Variants in NCOA2 observed in about 807,000 individuals in gnomAD.
NCOA2 encodes nuclear receptor coactivator 2.
Under a neutral mutation model 145.1 loss-of-function variants are expected in NCOA2, and 21 were observed. That is an observed-to-expected ratio of 0.14 (90% CI 0.10 to 0.21). NCOA2 has a LOEUF of 0.21. NCOA2 is among the 10% of genes least tolerant of loss of function. The pLI, the probability that NCOA2 is intolerant of heterozygous loss-of-function variation, is 1.00. For missense variants in NCOA2, 1,472 were observed against 1,837.6 expected (o/e 0.80, Z 3.64); for synonymous variants, 619 against 637.5 (o/e 0.97, Z 0.44).
chr8:70,347,985 C>A (rs1158241791), intron 1 of NCOA2, among the ~76,000 whole-genome samples: 1 of 152,118 alleles, frequency 6.6e-6, no homozygotes, highest in Non-Finnish European at 1.5e-5. Context: ...TAATTATTTT[C>A]AATCAATATT....
chr8:70,184,513 A>G (rs1815834707), intron 4 of NCOA2, among the ~76,000 whole-genome samples: 1 of 152,182 alleles, frequency 6.6e-6, no homozygotes, highest in African/African-American at 2.4e-5. Context: ...TAAGGTTAAC[A>G]GCTGATAGAG....
At chr8:70,392,332 C>A (rs748296201) in intron 1 of NCOA2, among the ~76,000 whole-genome samples, 2 of 152,170 alleles carry the variant, frequency 1.3e-5, no homozygotes, top group Non-Finnish European at 2.9e-5. Context: ...AGTGTTTCTA[C>A]GATTTAACGT....
intron 2 of NCOA2, among the ~76,000 whole-genome samples, chr8:70,224,954 C>G (rs1304435744): frequency 1.3e-5 from 2 of 151,700 alleles, no homozygotes; most frequent in African/African-American, 2.4e-5. Context: ...TTCCCCTACC[C>G]CTCTCCTCTC....
At chr8:70,184,468 C>T (rs553763000) in intron 4 of NCOA2, among the ~76,000 whole-genome samples, 2 of 152,234 alleles carry the variant, frequency 1.3e-5, no homozygotes, top group African/African-American at 4.8e-5. Flanking sequence ...GTCCCTCCCA[C>T]GCAGAGTGCT....
chr8:70,142,729 G>T (rs1585814003), intron 13 of NCOA2, among the ~76,000 whole-genome samples: 1 of 151,756 alleles, frequency 6.6e-6, no homozygotes, highest in South Asian at 2.1e-4. Context: ...AGTTAGAAGG[G>T]TATTCTATTA....
chr8:70,261,666 A>G (rs1824147401), intron 2 of NCOA2, among the ~76,000 whole-genome samples: 1 of 152,190 alleles, frequency 6.6e-6, no homozygotes, highest in Non-Finnish European at 1.5e-5. Context: ...AAACATTTAC[A>G]AAACGCTTAC....
At chr8:70,211,078 G>A (rs1053835986) in intron 4 of NCOA2, among the ~76,000 whole-genome samples, 2 of 152,166 alleles carry the variant, frequency 1.3e-5, no homozygotes, top group African/African-American at 4.8e-5. Context: ...GTCAGATGCT[G>A]AGAAAAATCA....
chr8:70,325,698 T>C (rs1806494957), intron 1 of NCOA2, among the ~76,000 whole-genome samples: 1 of 152,222 alleles, frequency 6.6e-6, no homozygotes, highest in Admixed American at 6.5e-5. Context: ...CTATCGTGCC[T>C]GGCTGAAAAT....
chr8:70,226,404 A>G (rs1820639979), intron 2 of NCOA2, among the ~76,000 whole-genome samples: 1 of 152,036 alleles, frequency 6.6e-6, no homozygotes, highest in Non-Finnish European at 1.5e-5. Flanking sequence ...TGGAATATAA[A>G]CTGTAAGTGT....
the NCOA2 span, among the ~76,000 whole-genome samples, chr8:70,431,265 C>G: frequency 6.6e-6 from 1 of 151,840 alleles, no homozygotes; most frequent in Non-Finnish European, 1.5e-5. Context: ...ATACATTATT[C>G]TATTGAACTT....
At chr8:70,284,107 TA>T (rs1826075392) in intron 2 of NCOA2, among the ~76,000 whole-genome samples, 1 of 152,124 alleles carries the variant, frequency 6.6e-6, no homozygotes, top group South Asian at 2.1e-4. Context: ...CAAGGTGCAC[TA>T]GAAATGGGAT....
chr8:70,133,200 C>CTTTTT lies in NCOA2; in HGVS notation c.3159-1203_3159-1199dup, dbSNP rs57813061. Among the ~76,000 whole-genome samples the CTTTTT allele has an allele frequency of 2.9e-4, 31 of 106,966 alleles. 2 individuals are homozygous for CTTTTT. The highest frequency in any genetic ancestry group is 2.3e-3 in the East Asian group (7 of 3,088). 70.2% of individuals were successfully genotyped at this position (106,966 alleles called of 152,430 possible). A position where few individuals can be genotyped will look rare whatever the true frequency, so the allele number is the denominator to read the frequency against. ...TGTGTGCCACCACAACTGGCTGCTACTTTTTTTTTTTTTTTTTTTTGGTAA... is the reference window on the plus strand; with the variant it reads ...TGTGTGCCACCACAACTGGCTGCTACTTTTTTTTTTTTTTTTTTTTTTTTTGGTAA... On this transcript the variant is annotated intron_variant, in intron 15 of 22. Coordinates refer to ENST00000452400, the MANE Select transcript of NCOA2 (RefSeq NM_006540.4).
intron 1 of NCOA2, among the ~76,000 whole-genome samples, chr8:70,376,394 C>T (rs146998011): frequency 3.8e-4 from 58 of 151,864 alleles, no homozygotes; most frequent in African/African-American, 1.3e-3. Flanking sequence ...CACACACAAA[C>T]GTGTGTATGC....
the NCOA2 span, among the ~76,000 whole-genome samples, chr8:70,414,117 A>G: frequency 6.6e-6 from 1 of 152,228 alleles, no homozygotes. Flanking sequence ...AAAACAACAA[A>G]AGCTAACATT....
intron 2 of NCOA2, among the ~76,000 whole-genome samples, chr8:70,285,123 C>G (rs533630600): frequency 6.6e-6 from 1 of 152,232 alleles, no homozygotes; most frequent in East Asian, 1.9e-4. Flanking sequence ...TTCATGATAG[C>G]TTTTGAGAGC....
At chr8:70,166,044 G>A (rs1000825627) in intron 7 of NCOA2, among the ~76,000 whole-genome samples, 4 of 152,016 alleles carry the variant, frequency 2.6e-5, no homozygotes. Flanking sequence ...GGATGGTCTC[G>A]ATCTCCTGAT....
Position 70,213,949 on chromosome 8 carries a change from T to A in NCOA2, c.213A>T (p.Ala71=). 10 of 1,610,768 alleles carry A rather than the reference T, an allele frequency of 6.2e-6. No homozygotes were observed. Among genetic ancestry groups the A allele is most frequent in the Non-Finnish European group, 8.5e-6 (10 of 1,178,358 alleles). ...DNFNFKPDKC[A]ILKETVKQIR... Reference sequence around the variant, plus strand: ...TTTGCTTCACAGTTTCTTTTAAGATTGCACATTTGTCAGGTTTGAAGTTAA... The same window carrying A: ...TTTGCTTCACAGTTTCTTTTAAGATAGCACATTTGTCAGGTTTGAAGTTAA... Residue 71 remains alanine (A), a synonymous_variant, in exon 4 of 23, where the codon GCA becomes GCT. Transcript: ENST00000452400.
chr8:70,270,457 T>C (rs138850979), intron 2 of NCOA2, among the ~76,000 whole-genome samples: 7 of 152,118 alleles, frequency 4.6e-5, no homozygotes, highest in Middle Eastern at 3.4e-3. Context: ...TTATCTGGCA[T>C]GCAACTGACG....
At chr8:70,380,968 T>C (rs918534021) in intron 1 of NCOA2, among the ~76,000 whole-genome samples, 2 of 151,142 alleles carry the variant, frequency 1.3e-5, no homozygotes, top group Non-Finnish European at 2.9e-5. Context: ...CCCGACTACT[T>C]GGGATGAGGT....
Sources: gnomAD v4.1 joint callset for allele counts (sites outside exome capture counted in the v4.1 genomes callset) on GRCh38, gnomAD v4.1.1 for gene constraint, MANE v1.5 for transcripts, NCBI Gene and HGNC (gene_info 2026-07-23, HGNC 2026-07-21) for gene names.